The following GABRG3 variants were observed in gnomAD, a reference collection of about 807,000 sequenced individuals.
The protein encoded by GABRG3 is gamma-aminobutyric acid type A receptor subunit gamma3.
Under a neutral mutation model 48.8 loss-of-function variants are expected in GABRG3, and 25 were observed. The observed-to-expected ratio is 0.51, with a 90% CI of 0.37 to 0.72. The LOEUF is 0.72. Among genes scored for constraint, GABRG3 ranks in the 30% least tolerant of loss-of-function variants. The pLI, the probability that GABRG3 is intolerant of heterozygous loss-of-function variation, is 0.00. For missense variants in GABRG3, 394 were observed against 577.9 expected (o/e 0.68, Z 3.26); for synonymous variants, 227 against 217.6 (o/e 1.04, Z -0.38).
rs1347871658 is a variant in GABRG3 at position 27,531,361 on chromosome 15, T to A, written c.1123-1239T>A. ...TTATGACCCCATGACTATGAGCATG[T>A]CCAATCAAATTGAGGCCCAAAAGTA... On this transcript the variant is annotated intron_variant, in intron 9 of 9. Transcript: ENST00000615808. Among the ~76,000 whole-genome samples the A allele has an allele frequency of 2.0e-5, 3 of 152,222 alleles. No homozygotes were observed. In the East Asian group the frequency reaches 5.8e-4, roughly 29 times the overall value.
intron 3 of GABRG3, among the ~76,000 whole-genome samples, chr15:27,202,659 T>G (rs1166124992): frequency 6.6e-6 from 1 of 152,202 alleles, no homozygotes; most frequent in Non-Finnish European, 1.5e-5. Flanking sequence ...TTTTTTTGCT[T>G]CTTTCAGCAT....
intron 2 of GABRG3, among the ~76,000 whole-genome samples, chr15:27,012,469 C>G (rs534654556): frequency 6.6e-6 from 1 of 152,196 alleles, no homozygotes; most frequent in Non-Finnish European, 1.5e-5. Flanking sequence ...TTGGGAAATT[C>G]TTGACTATAA....
chr15:27,079,684 G>A (rs1298236645), intron 3 of GABRG3, among the ~76,000 whole-genome samples: 1 of 151,972 alleles, frequency 6.6e-6, no homozygotes, highest in Admixed American at 6.6e-5. Context: ...TTCTATTCAT[G>A]GACAGAATTA....
intron 5 of GABRG3, among the ~76,000 whole-genome samples, chr15:27,388,306 A>AGGAAGGAAAGG (rs1555376774): frequency 1.3e-4 from 4 of 30,722 alleles, no homozygotes; most frequent in Non-Finnish European, 2.4e-4. Flanking sequence ...GAAGGAAGGA[A>AGGAAGGAAAGG]AGGGAGGGAG....
At chr15:27,251,360 A>G (rs1890450529) in intron 3 of GABRG3, among the ~76,000 whole-genome samples, 1 of 152,122 alleles carries the variant, frequency 6.6e-6, no homozygotes, top group South Asian at 2.1e-4. Context: ...TTTCCCAGAC[A>G]GGTTGGAAGA....
At chr15:27,022,927 C>T (rs1895923310) in intron 2 of GABRG3, among the ~76,000 whole-genome samples, 1 of 152,146 alleles carries the variant, frequency 6.6e-6, no homozygotes. Flanking sequence ...CCCATGTACT[C>T]CCCTTAGGAC....
intron 3 of GABRG3, among the ~76,000 whole-genome samples, chr15:27,106,522 A>C (rs143900867): frequency 1.2e-3 from 183 of 152,130 alleles, no homozygotes; most frequent in African/African-American, 4.0e-3. Flanking sequence ...ACTTACAGAA[A>C]ATAGAAAAAG....
chr15:27,415,947 C>T (rs1319742296), intron 5 of GABRG3, among the ~76,000 whole-genome samples: 1 of 152,158 alleles, frequency 6.6e-6, no homozygotes, highest in Non-Finnish European at 1.5e-5. Context: ...CTACCTGCTC[C>T]TTTCCTCTTG....
chr15:27,531,077 C>T (rs1566882009), intron 9 of GABRG3, among the ~76,000 whole-genome samples: 1 of 152,110 alleles, frequency 6.6e-6, no homozygotes. Flanking sequence ...ATAGACACAG[C>T]GGGACTTTTA....
intron 3 of GABRG3, among the ~76,000 whole-genome samples, chr15:27,172,003 A>C (rs1369322625): frequency 1.7e-5 from 2 of 118,700 alleles, no homozygotes; most frequent in Non-Finnish European, 3.5e-5. Flanking sequence ...GAAAGACAGA[A>C]AAACGGGGCC....
intron 5 of GABRG3, among the ~76,000 whole-genome samples, chr15:27,471,804 G>T (rs1324178504): frequency 6.6e-6 from 1 of 152,116 alleles, no homozygotes; most frequent in Non-Finnish European, 1.5e-5. Context: ...CCCAAGAGAA[G>T]TTTCATCTTT....
At chr15:27,380,456 AT>A (rs921598648) in intron 5 of GABRG3, among the ~76,000 whole-genome samples, 1 of 151,440 alleles carries the variant, frequency 6.6e-6, no homozygotes, top group African/African-American at 2.4e-5. Flanking sequence ...ATGCCTTATA[AT>A]TTTTTTTATT....
intron 3 of GABRG3, among the ~76,000 whole-genome samples, chr15:27,168,735 C>T (rs1444330582): frequency 6.6e-6 from 1 of 152,204 alleles, no homozygotes; most frequent in East Asian, 1.9e-4. Flanking sequence ...GGTCTGTGAA[C>T]CAGGAAGTGG....
Position 27,054,251 on chromosome 15 carries a change from A to G in GABRG3, c.270+27430A>G, listed in dbSNP as rs929495092. Reference sequence around the variant, plus strand: ...CAAACTCTATCTCAAAAAGAAAAAAAAAAAGAAAAAAGGAGGGAGGGTGTG... The same window carrying G: ...CAAACTCTATCTCAAAAAGAAAAAAGAAAAGAAAAAAGGAGGGAGGGTGTG... On this transcript the variant is annotated intron_variant, in intron 3 of 9. Coordinates refer to ENST00000615808, the MANE Select transcript of GABRG3 (RefSeq NM_033223.5). Among the ~76,000 whole-genome samples, 23 of 151,892 alleles carry G rather than the reference A, an allele frequency of 1.5e-4. No homozygotes were observed. In the East Asian group the frequency reaches 4.5e-3, roughly 30 times the overall value.
At chr15:27,033,565 T>C (rs1232036378) in intron 3 of GABRG3, among the ~76,000 whole-genome samples, 1 of 152,156 alleles carries the variant, frequency 6.6e-6, no homozygotes, top group Non-Finnish European at 1.5e-5. Flanking sequence ...TAGGGTCCAT[T>C]GTTTTCAGGT....
At chr15:27,527,399 C>A in intron 7 of GABRG3, 34 bp from the exon 8 acceptor site, 1 of 1,594,966 alleles carries the variant, frequency 6.3e-7, no homozygotes, top group East Asian at 2.2e-5. Context: ...GCGTGTTGCA[C>A]CCTTTTACAA....
intron 3 of GABRG3, among the ~76,000 whole-genome samples, chr15:27,229,638 G>A (rs773583512): frequency 1.3e-5 from 2 of 151,936 alleles, no homozygotes; most frequent in African/African-American, 2.4e-5. Context: ...CACCACGCCC[G>A]GCTAATTTTT....
At chr15:27,305,360 A>C (rs895869554) in intron 3 of GABRG3, among the ~76,000 whole-genome samples, 1 of 151,368 alleles carries the variant, frequency 6.6e-6, no homozygotes, top group African/African-American at 2.4e-5. Context: ...AATAAAAGAT[A>C]TTTGAAAAAT....
At chr15:27,260,159 C>A (rs1195679577) in intron 3 of GABRG3, among the ~76,000 whole-genome samples, 2 of 152,154 alleles carry the variant, frequency 1.3e-5, no homozygotes, top group African/African-American at 4.8e-5. Context: ...GTATTTTCTC[C>A]ATTCTGGAGG....
Sources: gnomAD v4.1 joint callset for allele counts (sites outside exome capture counted in the v4.1 genomes callset) on GRCh38, gnomAD v4.1.1 for gene constraint, MANE v1.5 for transcripts, NCBI Gene and HGNC (gene_info 2026-07-23, HGNC 2026-07-21) for gene names.